The following FMN1 variants were observed in gnomAD, a reference collection of about 807,000 sequenced individuals.
FMN1 encodes formin-1.
Under a neutral mutation model 132.4 loss-of-function variants are expected in FMN1, and 110 were observed. The ratio of observed to expected loss-of-function variants is 0.83; its 90% CI spans 0.71 to 0.97. The LOEUF is 0.97. Among genes scored for constraint, FMN1 ranks in the 50% least tolerant of loss-of-function variants. FMN1 has a pLI of 0.00. For synonymous variants in FMN1, 722 were observed against 651.7 expected (o/e 1.11, Z -1.64); for missense variants, 1,792 against 1,705.3 (o/e 1.05, Z -0.90).
chr15:32,951,304 G>A (rs535200811), intron 9 of FMN1, among the ~76,000 whole-genome samples: 2 of 152,270 alleles, frequency 1.3e-5, no homozygotes, highest in African/African-American at 2.4e-5. Flanking sequence ...AGAAAATGGA[G>A]ATACATTTTA....
chr15:32,852,355 T>G, intron 17 of FMN1, among the ~76,000 whole-genome samples: 1 of 152,186 alleles, frequency 6.6e-6, no homozygotes, highest in Non-Finnish European at 1.5e-5. Context: ...TACAATTATG[T>G]CTTTTCCTTC....
At chr15:32,975,892 C>T (rs2032161376) in intron 7 of FMN1, among the ~76,000 whole-genome samples, 1 of 152,060 alleles carries the variant, frequency 6.6e-6, no homozygotes, top group African/African-American at 2.4e-5. Flanking sequence ...TTTTTAATAT[C>T]CTCCCCATTA....
intron 4 of FMN1, among the ~76,000 whole-genome samples, chr15:33,148,272 A>G (rs1964306109): frequency 1.3e-5 from 2 of 152,044 alleles, no homozygotes; most frequent in Admixed American, 1.3e-4. Flanking sequence ...CTTCCTTATC[A>G]CCTACCTTCA....
intron 4 of FMN1, among the ~76,000 whole-genome samples, chr15:33,143,589 A>G (rs969875585): frequency 6.6e-6 from 1 of 152,178 alleles, no homozygotes; most frequent in African/African-American, 2.4e-5. Context: ...GTTCCAAATG[A>G]AGATGGGACA....
Position 32,968,816 on chromosome 15 carries a change from C to G in FMN1, c.2885G>C (p.Gly962Ala), listed in dbSNP as rs746527979. ...APPPPPGLFF[G>A]LGSSSSQCPR... ...ACATTGACTGGAAGAAGAGCCAAGTCCAAAGAAGAGTCCAGGGGGAGGTGG... is the reference window on the plus strand; with the variant it reads ...ACATTGACTGGAAGAAGAGCCAAGTGCAAAGAAGAGTCCAGGGGGAGGTGG... Residue 962 changes from glycine (G) to alanine (A), a missense_variant, in exon 8 of 21, where the codon GGA becomes GCA. Physicochemically the swap from Gly to Ala is moderately conservative, Grantham distance 60. Transcript: ENST00000616417. The G allele has an allele frequency of 5.6e-6, 9 of 1,611,492 alleles. No homozygotes were observed. Among genetic ancestry groups the G allele is most frequent in the Non-Finnish European group, 7.6e-6 (9 of 1,179,326 alleles).
At chr15:33,092,486 T>G (rs547559353) in intron 4 of FMN1, among the ~76,000 whole-genome samples, 86 of 152,264 alleles carry the variant, frequency 5.6e-4, no homozygotes, top group Admixed American at 1.5e-3. Context: ...GTGTGCCAAT[T>G]AAGGCTGTAA....
chr15:32,952,863 CGA>C (rs1300229570), intron 9 of FMN1, among the ~76,000 whole-genome samples: 1 of 152,164 alleles, frequency 6.6e-6, no homozygotes, highest in Non-Finnish European at 1.5e-5. Flanking sequence ...ACTCTTGTGG[CGA>C]AGGGAGGGAT....
intron 6 of FMN1, among the ~76,000 whole-genome samples, chr15:33,036,072 T>TTGA (rs1399865431): frequency 3.9e-5 from 6 of 152,206 alleles, no homozygotes; most frequent in African/African-American, 1.4e-4. Flanking sequence ...ATCTTGAACT[T>TTGA]CTCAGCCTCC....
At chr15:33,127,502 C>A (rs1336901047) in intron 4 of FMN1, among the ~76,000 whole-genome samples, 1 of 152,150 alleles carries the variant, frequency 6.6e-6, no homozygotes, top group African/African-American at 2.4e-5. Flanking sequence ...TAAATGAAAC[C>A]CAAGTGTAAC....
At chr15:33,067,105 A>C in intron 5 of FMN1, 3 of 1,614,000 alleles carry the variant, frequency 1.9e-6, no homozygotes, top group Non-Finnish European at 2.5e-6. Context: ...CTTTTTTAGA[A>C]GAGGCACTCT....
At chr15:32,916,708 A>C (rs1359852519) in intron 10 of FMN1, among the ~76,000 whole-genome samples, 1 of 152,170 alleles carries the variant, frequency 6.6e-6, no homozygotes, top group Non-Finnish European at 1.5e-5. Flanking sequence ...AATGGACTAG[A>C]TATAGTCTGG....
chr15:32,803,258 C>T (rs2057541647), intron 18 of FMN1, among the ~76,000 whole-genome samples: 1 of 152,132 alleles, frequency 6.6e-6, no homozygotes, highest in South Asian at 2.1e-4. Context: ...TCTAATTTAC[C>T]AGTACTTTTA....
At chr15:33,141,355 C>G (rs1964002507) in intron 4 of FMN1, among the ~76,000 whole-genome samples, 1 of 151,972 alleles carries the variant, frequency 6.6e-6, no homozygotes, top group South Asian at 2.1e-4. Flanking sequence ...TTTTTTTTCC[C>G]CATAGGGATA....
intron 9 of FMN1, among the ~76,000 whole-genome samples, chr15:32,948,447 A>G (rs1256217688): frequency 6.6e-6 from 1 of 151,804 alleles, no homozygotes; most frequent in Non-Finnish European, 1.5e-5. Context: ...GTTTAATATT[A>G]TTTTCTATTA....
At chr15:33,118,698 T>C (rs1962265907) in intron 4 of FMN1, among the ~76,000 whole-genome samples, 2 of 152,180 alleles carry the variant, frequency 1.3e-5, no homozygotes, top group Admixed American at 6.5e-5. Flanking sequence ...ACAATTTCCA[T>C]ATGAAATATT....
At chr15:33,169,974 C>T (rs891247345) in intron 3 of FMN1, among the ~76,000 whole-genome samples, 2 of 152,016 alleles carry the variant, frequency 1.3e-5, no homozygotes, top group African/African-American at 4.8e-5. Flanking sequence ...ATATCCTTCT[C>T]AAAAAGCCCA....
chr15:32,910,278 C>T (rs2060525872), intron 11 of FMN1, among the ~76,000 whole-genome samples, 196 bp downstream of exon 11: 1 of 152,196 alleles, frequency 6.6e-6, no homozygotes, highest in Admixed American at 6.5e-5. Context: ...ATGAGATCTG[C>T]TAGCCCAGAT....
At chr15:32,889,958 G>C (rs2059986160) in intron 15 of FMN1, among the ~76,000 whole-genome samples, 1 of 152,062 alleles carries the variant, frequency 6.6e-6, no homozygotes. Flanking sequence ...ACAGTCCATT[G>C]TATCATTCCT....
intron 19 of FMN1, among the ~76,000 whole-genome samples, chr15:32,791,475 A>G (rs1400286577): frequency 6.6e-6 from 1 of 152,090 alleles, no homozygotes. Context: ...ATGGAAAACC[A>G]CAGAATATGT....
Sources: gnomAD v4.1 joint callset for allele counts (sites outside exome capture counted in the v4.1 genomes callset) on GRCh38, gnomAD v4.1.1 for gene constraint, MANE v1.5 for transcripts, NCBI Gene and HGNC (gene_info 2026-07-23, HGNC 2026-07-21) for gene names.